The following SINHCAF variants were observed in gnomAD, a reference collection of about 807,000 sequenced individuals.
SINHCAF encodes SIN3-HDAC complex associated factor, also known as SIN3-HDAC complex-associated factor.
A neutral mutation model predicts 25.8 loss-of-function variants in SINHCAF; 3 were observed. That is an observed-to-expected ratio of 0.12 (90% confidence interval 0.05 to 0.30). SINHCAF has a LOEUF of 0.30. Ranked by LOEUF, SINHCAF falls within the 10% of genes least tolerant of loss-of-function variation. SINHCAF has a pLI of 1.00. For missense variants in SINHCAF, 121 were observed against 262.3 expected (o/e 0.46, Z 3.72); for synonymous variants, 70 against 85.5 (o/e 0.82, Z 1.00).
chr12:31,293,828 A>G lies in SINHCAF; in HGVS notation c.332T>C (p.Leu111Pro). 1 of 1,604,642 alleles carries G rather than the reference A, an allele frequency of 6.2e-7. No individual in the cohort carries two copies. The highest frequency in any genetic ancestry group is 8.5e-7 in the Non-Finnish European group (1 of 1,177,746). Residue 111 changes from leucine to proline, a missense_variant, in exon 4 of 6, where the codon CTG (leucine) becomes CCG (proline). Coordinates refer to ENST00000337682, the MANE Select transcript of SINHCAF (RefSeq NM_001135812.2). Reference sequence around the variant, plus strand: ...ACTATGACGTTTAAATTCCTTCTGCAGTTTACTGATCTGGTTGCTTTTTAT... The same window carrying G: ...ACTATGACGTTTAAATTCCTTCTGCGGTTTACTGATCTGGTTGCTTTTTAT... ...NRIKSNQISK[L>P]QKEFKRHNSD... is the part of the protein sequence containing the mutation.
intron 1 of SINHCAF, chr12:31,311,868 C>A: frequency 2.0e-6 from 1 of 490,382 alleles, no homozygotes; most frequent in South Asian, 1.7e-5. Context: ...TAAGTTTGAT[C>A]ACTTGATGAA....
chr12:31,296,254 T>C (rs1245957467), intron 2 of SINHCAF, among the ~76,000 whole-genome samples: 1 of 151,980 alleles, frequency 6.6e-6, no homozygotes, highest in Admixed American at 6.6e-5. Flanking sequence ...CAGCCTCAAC[T>C]TCCCAGGTTC....
chr12:31,324,865 C>A lies in SINHCAF; in HGVS notation c.-21+1159G>T. 1 of 423,858 alleles carries A rather than the reference C, an allele frequency of 2.4e-6. No individual in the cohort carries two copies. Among genetic ancestry groups the A allele is most frequent in the South Asian group, 1.7e-5 (1 of 60,554 alleles). 26.3% of individuals were successfully genotyped at this position (423,858 alleles called of 1,614,324 possible). A position where few individuals can be genotyped will look rare whatever the true frequency, so the allele number is the denominator to read the frequency against. ...CTTGATGAGAAACGCCCGGAGTATC[C>A]GCCCCGCACGGGCGGAGAGTTGGCG... On this transcript the variant is annotated intron_variant, in intron 1 of 5. Transcript: ENST00000337682. The surrounding 1 kb of genome is among the most constrained non-coding windows in gnomAD (Gnocchi z 5.5).
chr12:31,292,368 G>A (rs1184957623), intron 4 of SINHCAF, among the ~76,000 whole-genome samples: 1 of 151,918 alleles, frequency 6.6e-6, no homozygotes, highest in East Asian at 1.9e-4. Context: ...GCATGGTGGT[G>A]CATGTCTGTA....
At chr12:31,301,618 G>T (rs949053203) in intron 1 of SINHCAF, among the ~76,000 whole-genome samples, 3 of 152,096 alleles carry the variant, frequency 2.0e-5, no homozygotes, top group African/African-American at 7.2e-5. Context: ...ATACACAGGG[G>T]TTTCATTTCG....
At chr12:31,322,441 A>G (rs1296589926) in intron 1 of SINHCAF, among the ~76,000 whole-genome samples, 1 of 152,254 alleles carries the variant, frequency 6.6e-6, no homozygotes, top group Non-Finnish European at 1.5e-5. Context: ...TATTAAATCC[A>G]AAGTTTTTCA....
chr12:31,310,135 T>C (rs1167835533), intron 1 of SINHCAF, among the ~76,000 whole-genome samples: 1 of 152,160 alleles, frequency 6.6e-6, no homozygotes, highest in African/African-American at 2.4e-5. Context: ...CAGGAAAACA[T>C]GGGATTGGCT....
Position 31,301,715 on chromosome 12 carries a change from T to G in SINHCAF, c.-20-3491A>C, listed in dbSNP as rs115828037. 4.4e-3 allele frequency among the ~76,000 whole-genome samples: 665 copies of G among 151,960 alleles called. 6 individuals carry two copies. The highest frequency in any genetic ancestry group is 0.015 in the African/African-American group (638 of 41,396). On this transcript the variant is annotated intron_variant, in intron 1 of 5. Transcript: ENST00000337682. ...AAGCCCTGAGATTAACTGAAATTATTTCCAAAAATCTACAAACCCATGAAA... is the reference window on the plus strand; with the variant it reads ...AAGCCCTGAGATTAACTGAAATTATGTCCAAAAATCTACAAACCCATGAAA...
intron 1 of SINHCAF, among the ~76,000 whole-genome samples, chr12:31,308,553 G>A (rs1027392978): frequency 6.6e-6 from 1 of 152,148 alleles, no homozygotes; most frequent in African/African-American, 2.4e-5. Context: ...ATGGTCAATT[G>A]TTGAAGTAAG....
chr12:31,312,878 G>T (rs954962706), intron 1 of SINHCAF, among the ~76,000 whole-genome samples: 2 of 152,124 alleles, frequency 1.3e-5, no homozygotes, highest in Non-Finnish European at 2.9e-5. Flanking sequence ...TCTTCCAGAA[G>T]TTTGTTTTCC....
At chr12:31,307,278 A>C (rs1240566212) in intron 1 of SINHCAF, among the ~76,000 whole-genome samples, 2 of 152,150 alleles carry the variant, frequency 1.3e-5, no homozygotes, top group Admixed American at 1.3e-4. Flanking sequence ...ACCTGGATGT[A>C]TAGGGATGCT....
At chr12:31,306,497 A>G (rs898075808) in intron 1 of SINHCAF, among the ~76,000 whole-genome samples, 7 of 152,054 alleles carry the variant, frequency 4.6e-5, no homozygotes, top group African/African-American at 1.7e-4. Context: ...TTTGCGGGAA[A>G]AGTACCCCCC....
intron 4 of SINHCAF, among the ~76,000 whole-genome samples, chr12:31,291,296 G>A (rs1016248231): frequency 1.3e-5 from 2 of 152,156 alleles, no homozygotes; most frequent in Non-Finnish European, 2.9e-5. Context: ...AATTTATTTT[G>A]TTTTACAAAG....
At chr12:31,312,358 G>T (rs1939306474) in intron 1 of SINHCAF, among the ~76,000 whole-genome samples, 1 of 145,536 alleles carries the variant, frequency 6.9e-6, no homozygotes, top group African/African-American at 2.4e-5. Flanking sequence ...TACGTATTTT[G>T]TGTGTGTGTG....
At chr12:31,319,815 G>A (rs1939630977) in intron 1 of SINHCAF, among the ~76,000 whole-genome samples, 1 of 152,014 alleles carries the variant, frequency 6.6e-6, no homozygotes, top group South Asian at 2.1e-4. Context: ...ATGGCCAACT[G>A]ACCACCAATC....
chr12:31,316,814 C>A (rs1022772781), intron 1 of SINHCAF, among the ~76,000 whole-genome samples: 2 of 151,964 alleles, frequency 1.3e-5, no homozygotes, highest in Non-Finnish European at 2.9e-5. Flanking sequence ...GCTTTAGTAC[C>A]CTTTTTAATA....
At chr12:31,287,993 T>TC (rs564850261) in intron 4 of SINHCAF, among the ~76,000 whole-genome samples, 61 of 152,288 alleles carry the variant, frequency 4.0e-4, no homozygotes, top group Middle Eastern at 3.4e-3. Context: ...TACTTCCTAT[T>TC]CCTCCTGCTT....
intron 4 of SINHCAF, among the ~76,000 whole-genome samples, chr12:31,288,559 G>A (rs987877042): frequency 1.3e-5 from 2 of 152,082 alleles, no homozygotes; most frequent in African/African-American, 4.8e-5. Context: ...TAGTAACAAG[G>A]AGCCTCCCCC....
intron 2 of SINHCAF, among the ~76,000 whole-genome samples, chr12:31,295,544 T>C (rs1417380716): frequency 6.6e-6 from 1 of 152,200 alleles, no homozygotes; most frequent in Non-Finnish European, 1.5e-5. Flanking sequence ...TACGGCAATT[T>C]GGTTATTTTG....
Sources: allele counts gnomAD v4.1 joint callset (sites outside exome capture counted in the v4.1 genomes callset), GRCh38; gene constraint gnomAD v4.1.1; non-coding constraint Gnocchi (gnomAD v3.1); transcripts MANE v1.5; gene names NCBI Gene and HGNC (gene_info 2026-07-23, HGNC 2026-07-21).